Variants in CDH4 observed in about 807,000 individuals in gnomAD.
CDH4 encodes cadherin 4.
A neutral mutation model predicts 86.0 loss-of-function variants in CDH4; 33 were observed. That is an observed-to-expected ratio of 0.38 (90% confidence interval 0.29 to 0.51). The LOEUF (loss-of-function observed/expected upper bound fraction) is 0.51, where lower values mean the gene tolerates loss of function less well. Ranked by LOEUF, CDH4 falls within the 20% of genes least tolerant of loss-of-function variation. The pLI is 0.86. For synonymous variants in CDH4, 555 were observed against 549.4 expected, an observed-to-expected ratio of 1.01 and a Z score of -0.14; for missense variants, 1,114 against 1,307.4, an observed-to-expected ratio of 0.85 and a Z score of 2.28.
chr20:61,850,416 A>G (rs1041400035), intron 5 of CDH4, among the ~76,000 whole-genome samples: 2 of 152,186 alleles, frequency 1.3e-5, no homozygotes, highest in Admixed American at 6.5e-5. Flanking sequence ...CAAGACCCTC[A>G]TGGACTGTTC....
chr20:61,367,840 T>C (rs1462592961), intron 2 of CDH4, among the ~76,000 whole-genome samples: 1 of 151,370 alleles, frequency 6.6e-6, no homozygotes, highest in African/African-American at 2.4e-5. Flanking sequence ...ATATTGTACA[T>C]TGCCTGGAAA....
At chr20:61,370,982 C>T (rs557140958) in intron 2 of CDH4, 18 of 152,342 alleles carry the variant, frequency 1.2e-4, no homozygotes, top group African/African-American at 4.1e-4. Flanking sequence ...GGGCAGGGGT[C>T]GCTTGGAGAG....
chr20:61,339,485 C>T (rs1208062906), intron 2 of CDH4, among the ~76,000 whole-genome samples: 1 of 152,144 alleles, frequency 6.6e-6, no homozygotes, highest in African/African-American at 2.4e-5. Context: ...ATTTTTGGGA[C>T]ATTCCTGTGT....
At chr20:61,350,617 C>G (rs2084706339) in intron 2 of CDH4, among the ~76,000 whole-genome samples, 1 of 151,462 alleles carries the variant, frequency 6.6e-6, no homozygotes, top group Non-Finnish European at 1.5e-5. Flanking sequence ...CCTTGCCTTT[C>G]CCACCCAGAG....
At chr20:61,595,672 G>A (rs371137967) in intron 2 of CDH4, among the ~76,000 whole-genome samples, 6 of 152,224 alleles carry the variant, frequency 3.9e-5, no homozygotes, top group East Asian at 3.8e-4. Flanking sequence ...GAGGCACCAC[G>A]TGCATGAAAG....
chr20:61,373,531 G>A (rs935650600), intron 2 of CDH4, among the ~76,000 whole-genome samples: 1 of 152,158 alleles, frequency 6.6e-6, no homozygotes, highest in African/African-American at 2.4e-5. Context: ...GGGCTCGCAG[G>A]ACCATTTGGA....
chr20:61,454,084 AG>A (rs2085394456), intron 2 of CDH4, among the ~76,000 whole-genome samples: 1 of 152,204 alleles, frequency 6.6e-6, no homozygotes, highest in Admixed American at 6.5e-5. Flanking sequence ...AGTTCTTCAT[AG>A]CAGTGTGAGA....
rs181449954 is a variant in CDH4 at position 61,269,848 on chromosome 20, C to T, written c.169+14911C>T. Among the ~76,000 whole-genome samples, 7 of 152,210 alleles carry T rather than the reference C, an allele frequency of 4.6e-5. No homozygotes were observed. The highest frequency in any genetic ancestry group is 7.2e-5 in the African/African-American group (3 of 41,526). Reference sequence around the variant, plus strand: ...CAACTCCATGTTCCCGACGCATGACCGGACCTCCAGAGCCAGTGGTACTCA... The same window carrying T: ...CAACTCCATGTTCCCGACGCATGACTGGACCTCCAGAGCCAGTGGTACTCA... On this transcript the variant is annotated intron_variant, in intron 2 of 15. Transcript: ENST00000614565. The surrounding 1 kb of genome is among the most constrained non-coding windows in gnomAD (Gnocchi z 5.3).
Position 61,934,136 on chromosome 20 carries a change from T to G in CDH4, c.2460T>G (p.Asp820Glu), listed in dbSNP as rs1205020889. The change falls in exon 15 of 16, where the codon GAT becomes GAG. Residue 820 changes from aspartate to glutamate, a missense_variant. Transcript: ENST00000614565. ...PSKAPGVRRVDERPVGAEPQY... is the reference protein window; with the variant it reads ...PSKAPGVRRVEERPVGAEPQY... Reference sequence around the variant, plus strand: ...AAGCCCCTGGCGTGCGTCGCGTGGATGAGCGGCCGGTGGGCGCTGAGCCCC... The same window carrying G: ...AAGCCCCTGGCGTGCGTCGCGTGGAGGAGCGGCCGGTGGGCGCTGAGCCCC... 1 of 1,611,116 alleles carries G rather than the reference T, an allele frequency of 6.2e-7. No homozygotes were observed.
intron 2 of CDH4, among the ~76,000 whole-genome samples, chr20:61,660,055 C>T (rs2087236275): frequency 1.0e-5 from 1 of 96,758 alleles, no homozygotes. Context: ...AAGGGGGCAG[C>T]TCCTCGGGGA....
intron 4 of CDH4, among the ~76,000 whole-genome samples, chr20:61,836,711 CAATT>C (rs1981896510): frequency 6.6e-6 from 1 of 152,206 alleles, no homozygotes; most frequent in African/African-American, 2.4e-5. Context: ...CACATTTGTC[CAATT>C]AATTTTATGA....
At chr20:61,304,585 C>T (rs550659226) in intron 2 of CDH4, among the ~76,000 whole-genome samples, 35 of 152,042 alleles carry the variant, frequency 2.3e-4, no homozygotes, top group Admixed American at 1.9e-3. Flanking sequence ...TACTAGAGGG[C>T]CTGGCTGTGC....
Position 61,634,558 on chromosome 20 carries a change from G to A in CDH4, c.170-109005G>A, listed in dbSNP as rs183812462. Among the ~76,000 whole-genome samples the A allele has an allele frequency of 4.3e-4, 66 of 152,326 alleles. No homozygotes were observed. In the East Asian group the frequency reaches 0.011, roughly 26 times the overall value. ...TTGGGGGCTGGAGCAGACTTTGCAG[G>A]AAGCATCTGTGGCCTCCTGTGCCCA... On this transcript the variant is annotated intron_variant, in intron 2 of 15. Transcript: ENST00000614565.
Position 61,461,122 on chromosome 20 carries a change from G to A in CDH4, c.169+206185G>A, listed in dbSNP as rs140490173. ...AATTTGAACCTCTAAAATGAATGTT[G>A]GAACCTCCCCTTCCCCCAATTTTAC... On this transcript the variant is annotated intron_variant, in intron 2 of 15. Coordinates refer to ENST00000614565, the MANE Select transcript of CDH4 (RefSeq NM_001794.5). Among the ~76,000 whole-genome samples, 14 of 151,944 alleles carry A rather than the reference G, an allele frequency of 9.2e-5. No individual in the cohort carries two copies. The East Asian group carries it at 2.7e-3, about 30-fold the overall frequency.
intron 4 of CDH4, among the ~76,000 whole-genome samples, chr20:61,781,719 G>T (rs1368483496): frequency 6.6e-6 from 1 of 152,192 alleles, no homozygotes; most frequent in African/African-American, 2.4e-5. Context: ...TAATGATTGA[G>T]ACTTTCCCAC....
rs2054742160 is a variant in CDH4, at chr20:61,902,877, G to C, written c.1189-7545G>C. Reference sequence around the variant, plus strand: ...GATTAAAAATCTCACACCACACACAGCAGAGGTGGCACAGGCCTGTAGCTC... The same window carrying C: ...GATTAAAAATCTCACACCACACACACCAGAGGTGGCACAGGCCTGTAGCTC... On this transcript the variant is annotated intron_variant, in intron 8 of 15. Transcript: ENST00000614565. The surrounding 1 kb of genome is among the most constrained non-coding windows in gnomAD (Gnocchi z 4.6). Among the ~76,000 whole-genome samples, 1 of 152,118 alleles carries C rather than the reference G, an allele frequency of 6.6e-6. No homozygotes were observed. Among genetic ancestry groups the C allele is most frequent in the African/African-American group, 2.4e-5 (1 of 41,424 alleles).
intron 4 of CDH4, among the ~76,000 whole-genome samples, chr20:61,789,400 C>T (rs1347345304): frequency 6.6e-6 from 1 of 152,136 alleles, no homozygotes; most frequent in African/African-American, 2.4e-5. Flanking sequence ...CAAAGTTAAG[C>T]AATCAGCCAA....
At position 61,418,775 on chromosome 20, in the gene CDH4, C is replaced by T. The variant is rs575559347; in HGVS notation, c.169+163838C>T. Among the ~76,000 whole-genome samples, 13 of 152,212 alleles carry T rather than the reference C, an allele frequency of 8.5e-5. No individual in the cohort carries two copies. The East Asian group carries it at 1.2e-3, about 14-fold the overall frequency. On this transcript the variant is annotated intron_variant, in intron 2 of 15. Transcript: ENST00000614565. ...ACAGGGCTGGTTCCTTCAGGGGCTC[C>T]GAGGGAGGATTGCTTGAGCCCAGGA...
intron 15 of CDH4, among the ~76,000 whole-genome samples, chr20:61,935,347 C>T (rs937829277): frequency 6.6e-6 from 1 of 152,254 alleles, no homozygotes; most frequent in Non-Finnish European, 1.5e-5. Flanking sequence ...AGATGAAATT[C>T]CTACAACTGC....
Sources: allele counts gnomAD v4.1 joint callset (sites outside exome capture counted in the v4.1 genomes callset), GRCh38; gene constraint gnomAD v4.1.1; non-coding constraint Gnocchi (gnomAD v3.1); transcripts MANE v1.5; gene names NCBI Gene and HGNC (gene_info 2026-07-23, HGNC 2026-07-21).